The following FLNC variants were observed in gnomAD, a reference collection of about 807,000 sequenced individuals.
FLNC encodes the protein filamin-C.
In FLNC, 91 loss-of-function variants were observed where a neutral mutation model predicts 254.3. The ratio of observed to expected loss-of-function variants is 0.36; its 90% CI spans 0.30 to 0.43. The LOEUF is 0.43. Ranked by LOEUF, FLNC falls within the 20% of genes least tolerant of loss-of-function variation. The pLI is 1.00. For synonymous variants in FLNC, 1,430 were observed against 1,577.2 expected (o/e 0.91, Z 2.21); for missense variants, 2,853 against 3,802.6 (o/e 0.75, Z 6.57).
At chr7:128,840,245 A>G in intron 9 of FLNC, 85 bp downstream of exon 9, 1 of 1,516,530 alleles carries the variant, frequency 6.6e-7, no homozygotes, top group Non-Finnish European at 9.1e-7. Flanking sequence ...CCCAGAGGGC[A>G]GTGACAGCCA....
rs755425307 is a variant in FLNC at position 128,842,950 on chromosome 7, A to G, written c.2546A>G (p.Asn849Ser). The part of the protein sequence containing the change: ...GRYTIMVLFA[N>S]QEIPASPFHI... Reference sequence around the variant, plus strand: ...TACACCATCATGGTGCTGTTTGCCAACCAGGTACCTAAGCTCCTGGGTACT... The same window carrying G: ...TACACCATCATGGTGCTGTTTGCCAGCCAGGTACCTAAGCTCCTGGGTACT... The change falls in exon 16 of 48, where the codon AAC (asparagine) becomes AGC (serine). Residue 849 changes from asparagine (N) to serine (S), a missense_variant. Asn to Ser is a conservative substitution (Grantham distance 46). Transcript: ENST00000325888. The surrounding 1 kb of genome is among the most constrained non-coding windows in gnomAD (Gnocchi z 5.4). 6.2e-7 allele frequency: 1 copy of G among 1,613,884 alleles called. No individual in the cohort carries two copies. Among genetic ancestry groups the G allele is most frequent in the Non-Finnish European group, 8.5e-7 (1 of 1,179,998 alleles).
At chr7:128,839,448 C>T (rs1207343430) in intron 8 of FLNC, among the ~76,000 whole-genome samples, 4 of 152,182 alleles carry the variant, frequency 2.6e-5, no homozygotes, top group South Asian at 2.1e-4. Flanking sequence ...TGTCCTGTTT[C>T]GTAGCACCTG....
At chr7:128,831,332 G>A (rs1163408188) in intron 1 of FLNC, among the ~76,000 whole-genome samples, 1 of 152,186 alleles carries the variant, frequency 6.6e-6, no homozygotes, top group African/African-American at 2.4e-5. Context: ...GCCCACACTC[G>A]GGAGGACAGA....
rs75348596 is a variant in FLNC, at chr7:128,835,920, A to G, written c.601+346A>G. Among the ~76,000 whole-genome samples the G allele has an allele frequency of 0.015, 2,333 of 152,060 alleles. 56 individuals carry two copies. The highest frequency in any genetic ancestry group is 0.045 in the African/African-American group (1,867 of 41,458). ...AGGGCCTGGACTCCCTGCCCCATGA[A>G]TTTTTTACTGTGCCACGAGGCACTA... is the stretch of plus-strand genomic sequence containing the variant. On this transcript the variant is annotated intron_variant, in intron 2 of 47. Coordinates refer to ENST00000325888, the MANE Select transcript of FLNC (RefSeq NM_001458.5). This position sits in a 1 kb window ranked among gnomAD's most constrained non-coding sequence, Gnocchi z 5.3.
rs1562992158 is a variant in FLNC, at chr7:128,837,753, G to A, written c.967G>A (p.Glu323Lys). Residue 323 changes from glutamate (E) to lysine (K), a missense_variant and splice_region_variant, in exon 5 of 48, where the codon GAG (glutamate) becomes AAG (lysine). By Grantham distance (56) the Glu-to-Lys change is moderately conservative. Around this residue, in one of 10 missense-constraint regions of FLNC, gnomAD observed 1,573 missense variants for 1,883.5 expected, o/e 0.84. Coordinates refer to ENST00000325888, the MANE Select transcript of FLNC (RefSeq NM_001458.5). ...YIEDPEGHTE[E>K]AKVVPNNDKD... ...CGAGGACCCTGAAGGCCACACCGAGGAGGTATGCAGAGGCCGCTGGGGACA... is the reference window on the plus strand; with the variant it reads ...CGAGGACCCTGAAGGCCACACCGAGAAGGTATGCAGAGGCCGCTGGGGACA... 5 of 1,570,588 alleles carry A rather than the reference G, an allele frequency of 3.2e-6. No individual in the cohort carries two copies. Among genetic ancestry groups the A allele is most frequent in the Non-Finnish European group, 4.3e-6 (5 of 1,158,280 alleles).
Position 128,842,397 on chromosome 7 carries a change from G to A in FLNC, c.2265+23G>A, listed in dbSNP as rs779256765. The A allele has an allele frequency of 8.1e-6, 13 of 1,613,030 alleles. No individual in the cohort carries two copies. The highest frequency in any genetic ancestry group is 1.7e-5 in the Admixed American group (1 of 60,014). ...CGGGTGCGTCCTCCCGGCCTGCCCC[G>A]TGCCCACCACCAGGGGTCCCTGAGG... On this transcript the variant is annotated intron_variant, in intron 14 of 47. Transcript: ENST00000325888. This position sits in a 1 kb window ranked among gnomAD's most constrained non-coding sequence, Gnocchi z 5.4.
At chr7:128,850,198 A>C (rs1563000708) in intron 31 of FLNC, 124 bp downstream of exon 31, 1 of 985,772 alleles carries the variant, frequency 1.0e-6, no homozygotes. Flanking sequence ...GGCAAGAGTT[A>C]GGCTGGGCAG....
chr7:128,855,483 C>T (rs1585170771), intron 43 of FLNC, among the ~76,000 whole-genome samples, 169 bp downstream of exon 43: 1 of 152,222 alleles, frequency 6.6e-6, no homozygotes, highest in East Asian at 1.9e-4. Flanking sequence ...TGGGCTCCCA[C>T]CCTGGGGGCT....
At position 128,843,490 on chromosome 7, in the gene FLNC, G is replaced by A. The variant is rs1808426712; in HGVS notation, c.2724G>A (p.Gly908=). ...CCAAGCTGGATGTGCAGTTTGCAGGGACAGCCAAGGGCGAGGTTGTGCGGG... is the reference window on the plus strand; with the variant it reads ...CCAAGCTGGATGTGCAGTTTGCAGGAACAGCCAAGGGCGAGGTTGTGCGGG... The part of the protein sequence containing the change: ...GKAKLDVQFA[G]TAKGEVVRDF... The change falls in exon 18 of 48, where the codon GGG becomes GGA. Residue 908 remains glycine, a synonymous_variant. Coordinates refer to ENST00000325888, the MANE Select transcript of FLNC (RefSeq NM_001458.5). 2.5e-6 allele frequency: 4 copies of A among 1,614,102 alleles called. No individual in the cohort carries two copies. The East Asian group carries it at 6.7e-5, about 27-fold the overall frequency.
At position 128,835,784 on chromosome 7, in the gene FLNC, G is replaced by T. The variant is rs560977417; in HGVS notation, c.601+210G>T. Reference sequence around the variant, plus strand: ...GAGTGTGCCAGATTCCGCAGAGGCAGGAAGAGGTTTAAAACCCCTCATTTT... The same window carrying T: ...GAGTGTGCCAGATTCCGCAGAGGCATGAAGAGGTTTAAAACCCCTCATTTT... On this transcript the variant is annotated intron_variant, in intron 2 of 47. Transcript: ENST00000325888. This position sits in a 1 kb window ranked among gnomAD's most constrained non-coding sequence, Gnocchi z 5.3. 6.6e-6 allele frequency among the ~76,000 whole-genome samples: 1 copy of T among 152,178 alleles called. No individual in the cohort carries two copies. Among genetic ancestry groups the T allele is most frequent in the Non-Finnish European group, 1.5e-5 (1 of 68,030 alleles).
intron 34 of FLNC, 29 bp downstream of exon 34, chr7:128,851,389 G>A (rs758813693): frequency 1.2e-6 from 2 of 1,614,048 alleles, no homozygotes; most frequent in African/African-American, 1.3e-5. Flanking sequence ...GCAGGCTGGG[G>A]TGGAGACTCA....
rs1176727487 is a variant in FLNC at position 128,857,469 on chromosome 7, C to A, written c.7780+133C>A. Reference sequence around the variant, plus strand: ...TCAGTTTACCAGGGCTAGAGGTGGGCCTGGCTCTACACAGTACACGTTCTG... The same window carrying A: ...TCAGTTTACCAGGGCTAGAGGTGGGACTGGCTCTACACAGTACACGTTCTG... On this transcript the variant is annotated intron_variant, in intron 46 of 47. Coordinates refer to ENST00000325888, the MANE Select transcript of FLNC (RefSeq NM_001458.5). This position sits in a 1 kb window ranked among gnomAD's most constrained non-coding sequence, Gnocchi z 4.5. 6.0e-6 allele frequency: 4 copies of A among 667,688 alleles called. No homozygotes were observed. The East Asian group carries it at 1.1e-4, about 18-fold the overall frequency. 41.4% of individuals were successfully genotyped at this position (667,688 alleles called of 1,614,324 possible). A position where few individuals can be genotyped will look rare whatever the true frequency, so the allele number is the denominator to read the frequency against.
Position 128,844,131 on chromosome 7 carries a change from T to C in FLNC, c.3057T>C (p.Gly1019=), listed in dbSNP as rs2128936183. The C allele has an allele frequency of 8.1e-6, 13 of 1,613,872 alleles. No individual in the cohort carries two copies. The highest frequency in any genetic ancestry group is 1.1e-5 in the Non-Finnish European group (13 of 1,180,014). Reference sequence around the variant, plus strand: ...TCCCCTGCAAGCTGGAGCCAGGCGGTGGAGCGGAAGCCCAGGCTGTGCGCT... The same window carrying C: ...TCCCCTGCAAGCTGGAGCCAGGCGGCGGAGCGGAAGCCCAGGCTGTGCGCT... The part of the protein sequence containing the change: ...RPIPCKLEPG[G]GAEAQAVRYM... The change falls in exon 20 of 48, where the codon GGT becomes GGC. Residue 1019 remains glycine, a synonymous_variant. Coordinates refer to ENST00000325888, the MANE Select transcript of FLNC (RefSeq NM_001458.5).
rs1330287079 is a variant in FLNC at position 128,842,224 on chromosome 7, C to G, written c.2122-7C>G. 1.9e-6 allele frequency: 3 copies of G among 1,613,488 alleles called. No homozygotes were observed. The highest frequency in any genetic ancestry group is 2.5e-6 in the Non-Finnish European group (3 of 1,179,904). ...AGCTATGAACTTTGCTTGGGTGATG[C>G]CCACAGGACGCCGACGGCTGTCCCA... On this transcript the variant is annotated splice_polypyrimidine_tract_variant and splice_region_variant and intron_variant, in intron 13 of 47. Transcript: ENST00000325888. This position sits in a 1 kb window ranked among gnomAD's most constrained non-coding sequence, Gnocchi z 5.4.
rs777932071 is a variant in FLNC, at chr7:128,835,456, C to T, written c.483C>T (p.Pro161=). ...EDDEDARKQT[P]KQRLLGWIQN... is the part of the protein sequence containing the mutation. ...ATGAGGATGCCCGCAAACAGACGCC[C>T]AAGCAGCGGCTGCTTGGCTGGATCC... The change falls in exon 2 of 48, where the codon CCC becomes CCT. Residue 161 remains proline (P), a synonymous_variant. Coordinates refer to ENST00000325888, the MANE Select transcript of FLNC (RefSeq NM_001458.5). This position sits in a 1 kb window ranked among gnomAD's most constrained non-coding sequence, Gnocchi z 5.3. 1 of 1,613,934 alleles carries T rather than the reference C, an allele frequency of 6.2e-7. No homozygotes were observed. Among genetic ancestry groups the T allele is most frequent in the African/African-American group, 1.3e-5 (1 of 74,928 alleles).
intron 7 of FLNC, 47 bp from the exon 8 acceptor site, chr7:128,838,556 C>A (rs1464722021): frequency 1.2e-6 from 2 of 1,609,324 alleles, no homozygotes; most frequent in East Asian, 2.2e-5. Context: ...GGCACCGGGG[C>A]AGCTGTGTGT....
chr7:128,854,136 A>T lies in FLNC; in HGVS notation c.6647A>T (p.Asp2216Val). ...GAGGAGTCCACCCAGGTCGGCGGGG[A>T]CCCCTTCCCTGCTGTGTTTGGGGAC... Reference protein sequence around the residue: ...RVEESTQVGGDPFPAVFGDFL... With the variant: ...RVEESTQVGGVPFPAVFGDFL... The change falls in exon 40 of 48, where the codon GAC becomes GTC. Residue 2216 changes from aspartate to valine, a missense_variant. By Grantham distance (152) the Asp-to-Val change is radical. Coordinates refer to ENST00000325888, the MANE Select transcript of FLNC (RefSeq NM_001458.5). 2 of 1,612,246 alleles carry T rather than the reference A, an allele frequency of 1.2e-6. No individual in the cohort carries two copies. The highest frequency in any genetic ancestry group is 1.7e-6 in the Non-Finnish European group (2 of 1,179,774).
In FLNC at chr7:128,851,243, C is replaced by T; in HGVS notation, c.5551C>T (p.Gln1851Ter). ...CTCTGTATCCCCAGGGAGCCCCTTA[C>T]AGTTCTATGTGGATGCCATCAACAG... ...DGNHIPGSPLQFYVDAINSRH... is the reference protein window; with the variant it reads ...DGNHIPGSPL Residue 1851 changes from glutamine (Q) to a stop codon, truncating the protein, a stop_gained, in exon 34 of 48, where the codon CAG (glutamine) becomes TAG (stop). Coordinates refer to ENST00000325888, the MANE Select transcript of FLNC (RefSeq NM_001458.5). LOFTEE classifies it high-confidence loss of function. 6.2e-7 allele frequency: 1 copy of T among 1,614,030 alleles called. No homozygotes were observed. The highest frequency in any genetic ancestry group is 1.7e-5 in the Admixed American group (1 of 60,026).
At position 128,837,548 on chromosome 7, in the gene FLNC, G is replaced by A; in HGVS notation, c.850G>A (p.Gly284Ser). Residue 284 changes from glycine to serine, a missense_variant and splice_region_variant, in exon 4 of 48, where the codon GGC becomes AGC. Transcript: ENST00000325888. ...CAAGAAAGCCATCGCCTATGGGCCT[G>A]GTATGTGTGAGCCCCTGGCGGCCCT... Reference protein sequence around the residue: ...NPKKAIAYGPGIEPQGNTVLQ... With the variant: ...NPKKAIAYGPSIEPQGNTVLQ... 6.2e-7 allele frequency: 1 copy of A among 1,614,154 alleles called. No homozygotes were observed. Among genetic ancestry groups the A allele is most frequent in the South Asian group, 1.1e-5 (1 of 91,080 alleles).
Sources: allele counts gnomAD v4.1 joint callset (sites outside exome capture counted in the v4.1 genomes callset), GRCh38; gene constraint gnomAD v4.1.1; regional missense constraint gnomAD v4.1.1; non-coding constraint Gnocchi (gnomAD v3.1); transcripts MANE v1.5; gene names NCBI Gene and HGNC (gene_info 2026-07-23, HGNC 2026-07-21).